The following STK31 variants were observed in gnomAD, a reference collection of about 807,000 sequenced individuals.
STK31 encodes serine/threonine kinase 31, also known as serine/threonine-protein kinase 31.
STK31 carries 89 observed loss-of-function variants against 129.7 expected under a neutral mutation model. The ratio of observed to expected loss-of-function variants is 0.69; its 90% CI spans 0.58 to 0.82. The LOEUF (loss-of-function observed/expected upper bound fraction) is 0.82, where lower values mean the gene tolerates loss of function less well. Ranked by LOEUF, STK31 falls within the 40% of genes least tolerant of loss-of-function variation. STK31 has a pLI of 0.00. For missense variants in STK31, 1,187 were observed against 1,176.4 expected, an observed-to-expected ratio of 1.01 and a Z score of -0.13; for synonymous variants, 448 against 395.3, an observed-to-expected ratio of 1.13 and a Z score of -1.58.
At chr7:23,828,887 T>A (rs1794362251) in intron 23 of STK31, among the ~76,000 whole-genome samples, 1 of 152,010 alleles carries the variant, frequency 6.6e-6, no homozygotes, top group African/African-American at 2.4e-5. Flanking sequence ...TTTTTCTTTT[T>A]CTTTCTTTTT....
chr7:23,821,876 T>G (rs903242591), intron 23 of STK31, among the ~76,000 whole-genome samples: 1 of 152,170 alleles, frequency 6.6e-6, no homozygotes, highest in Non-Finnish European at 1.5e-5. Flanking sequence ...CGTATGGCTA[T>G]CCAGTTTTCC....
intron 11 of STK31, among the ~76,000 whole-genome samples, chr7:23,768,050 T>C (rs920357356): frequency 8.5e-5 from 13 of 152,052 alleles, no homozygotes; most frequent in African/African-American, 3.1e-4. Flanking sequence ...TTTGTGCACC[T>C]GCCCCGACAA....
chr7:23,732,180 G>T (rs1230144604), intron 6 of STK31, among the ~76,000 whole-genome samples: 1 of 151,836 alleles, frequency 6.6e-6, no homozygotes, highest in Non-Finnish European at 1.5e-5. Flanking sequence ...GCATGGTGGC[G>T]CATGCCTGTA....
At chr7:23,788,407 C>T (rs1322177236) in intron 21 of STK31, among the ~76,000 whole-genome samples, 2 of 152,108 alleles carry the variant, frequency 1.3e-5, no homozygotes, top group African/African-American at 4.8e-5. Context: ...CATTTAATTG[C>T]TAGGAAACAT....
At chr7:23,734,575 A>G (rs1475160812) in intron 6 of STK31, among the ~76,000 whole-genome samples, 1 of 152,220 alleles carries the variant, frequency 6.6e-6, no homozygotes, top group Non-Finnish European at 1.5e-5. Context: ...TTCTATTGAT[A>G]GATATTCAGT....
intron 6 of STK31, among the ~76,000 whole-genome samples, chr7:23,733,636 ATC>A (rs1370559443): frequency 6.6e-6 from 1 of 151,708 alleles, no homozygotes; most frequent in Admixed American, 6.6e-5. Flanking sequence ...GTGAAACCCC[ATC>A]TCTACTACAA....
chr7:23,787,009 T>C, intron 20 of STK31, 85 bp downstream of exon 20: 2 of 1,353,810 alleles, frequency 1.5e-6, no homozygotes, highest in Non-Finnish European at 2.1e-6. Context: ...CTACATGCTA[T>C]GTATTTTGTA....
intron 13 of STK31, among the ~76,000 whole-genome samples, chr7:23,770,221 G>A (rs1372564686): frequency 6.6e-6 from 1 of 152,122 alleles, no homozygotes; most frequent in African/African-American, 2.4e-5. Context: ...GTAAAAATTA[G>A]TGTAGCTACT....
At position 23,735,096 on chromosome 7, in the gene STK31, G is replaced by A. The variant is rs116903350; in HGVS notation, c.484-442G>A. Among the ~76,000 whole-genome samples, 1,402 of 152,026 alleles carry A rather than the reference G, an allele frequency of 9.2e-3. 16 individuals carry two copies. The highest frequency in any genetic ancestry group is 0.016 in the Admixed American group (252 of 15,276). On this transcript the variant is annotated intron_variant, in intron 6 of 23. Transcript: ENST00000355870. ...TTTGTGGCTTTTTTTGCTTCTGCTC[G>A]TCTTACTTTAAAACCAGAGTTCCTG...
At chr7:23,779,589 G>A (rs1008540841) in intron 15 of STK31, among the ~76,000 whole-genome samples, 5 of 152,278 alleles carry the variant, frequency 3.3e-5, no homozygotes, top group Admixed American at 1.3e-4. Flanking sequence ...GCTGGGCTGC[G>A]GTGAGCTCCG....
chr7:23,783,629 T>C lies in STK31; in HGVS notation c.2114T>C (p.Leu705Pro). 6.2e-7 allele frequency: 1 copy of C among 1,612,476 alleles called. No individual in the cohort carries two copies. Among genetic ancestry groups the C allele is most frequent in the South Asian group, 1.1e-5 (1 of 90,796 alleles). Residue 705 changes from leucine to proline, a missense_variant, in exon 17 of 24, where the codon CTG becomes CCG. Leu to Pro is a moderately conservative substitution (Grantham distance 98, BLOSUM62 -3). Coordinates refer to ENST00000355870, the MANE Select transcript of STK31 (RefSeq NM_031414.5). Reference protein sequence around the residue: ...LAQKWFPELPLLHPEIGLLKY... With the variant: ...LAQKWFPELPPLHPEIGLLKY... ...CAGAAATGGTTCCCTGAGCTGCCTC[T>C]GCTTCATCCTGAAATAGGATTACTC...
chr7:23,735,479 A>C, intron 6 of STK31, 59 bp from the exon 7 acceptor site: 1 of 1,444,716 alleles, frequency 6.9e-7, no homozygotes, highest in Non-Finnish European at 9.3e-7. Context: ...ATGGGTAGGA[A>C]CAAAATAAGG....
At chr7:23,743,465 A>G (rs567640792) in intron 8 of STK31, among the ~76,000 whole-genome samples, 19 of 152,250 alleles carry the variant, frequency 1.2e-4, no homozygotes, top group African/African-American at 4.6e-4. Flanking sequence ...ATATTGTTTC[A>G]TTCTCTCCTG....
At chr7:23,808,970 T>TGTGTGTGTGTGCGCGCGC (rs60631283) in intron 22 of STK31, among the ~76,000 whole-genome samples, 2 of 139,556 alleles carry the variant, frequency 1.4e-5, no homozygotes, top group African/African-American at 5.3e-5. Context: ...TGTGTGTGTG[T>TGTGTGTGTGTGCGCGCGC]GCCTGTGTCT....
intron 4 of STK31, among the ~76,000 whole-genome samples, chr7:23,724,904 G>A (rs917333431): frequency 6.6e-6 from 1 of 152,080 alleles, no homozygotes; most frequent in Non-Finnish European, 1.5e-5. Flanking sequence ...TTGGTGTTTA[G>A]GTTTCATAAA....
chr7:23,823,379 G>A (rs1384735090), intron 23 of STK31, among the ~76,000 whole-genome samples: 1 of 152,060 alleles, frequency 6.6e-6, no homozygotes, highest in Non-Finnish European at 1.5e-5. Context: ...GTGTTTTTTG[G>A]CTGCATAAAT....
At chr7:23,808,485 G>A (rs955537144) in intron 22 of STK31, among the ~76,000 whole-genome samples, 3 of 152,012 alleles carry the variant, frequency 2.0e-5, no homozygotes, top group African/African-American at 4.8e-5. Flanking sequence ...TGCCAACACC[G>A]TGGGGAGTGG....
In STK31 at chr7:23,769,043, G is replaced by T; in HGVS notation, c.1465G>T (p.Ala489Ser). ...AGTGTATGGACAAGCCAAAGAAGGAGCAAATTCTGATGAAATACTTAAAAA... is the reference window on the plus strand; with the variant it reads ...AGTGTATGGACAAGCCAAAGAAGGATCAAATTCTGATGAAATACTTAAAAA... Reference protein sequence around the residue: ...EAVYGQAKEGANSDEILKKFY... With the variant: ...EAVYGQAKEGSNSDEILKKFY... Residue 489 changes from alanine (A) to serine (S), a missense_variant, in exon 12 of 24, where the codon GCA (alanine) becomes TCA (serine). Ala to Ser is a moderately conservative substitution (Grantham distance 99). Around this residue, in one of 5 missense-constraint regions of STK31, gnomAD observed 975 missense variants for 934.9 expected, o/e 1.04. Transcript: ENST00000355870. 1.9e-6 allele frequency: 3 copies of T among 1,612,934 alleles called. No homozygotes were observed. In the South Asian group the frequency reaches 3.3e-5, roughly 18 times the overall value.
chr7:23,734,257 G>A lies in STK31; in HGVS notation c.484-1281G>A, dbSNP rs142340411. On this transcript the variant is annotated intron_variant, in intron 6 of 23. Coordinates refer to ENST00000355870, the MANE Select transcript of STK31 (RefSeq NM_031414.5). ...CAGCTCCACCTTCTAAGAGAGATAC[G>A]TTTCATCAGATGATGTCCCTATTTC... Among the ~76,000 whole-genome samples, 173 of 152,260 alleles carry A rather than the reference G, an allele frequency of 1.1e-3. 1 individual carries two copies. The highest frequency in any genetic ancestry group is 2.0e-3 in the Non-Finnish European group (136 of 68,024).
Sources: gnomAD v4.1 joint callset for allele counts (sites outside exome capture counted in the v4.1 genomes callset) on GRCh38, gnomAD v4.1.1 for gene constraint, gnomAD v4.1.1 regional missense constraint, MANE v1.5 for transcripts, NCBI Gene and HGNC (gene_info 2026-07-23, HGNC 2026-07-21) for gene names.